MTMR3: variants seen among roughly 807,000 people sequenced by gnomAD.
MTMR3 encodes phosphatidylinositol-3,5-bisphosphate 3-phosphatase MTMR3.
A neutral mutation model predicts 132.4 loss-of-function variants in MTMR3; 32 were observed. That is an observed-to-expected ratio of 0.24 (90% confidence interval 0.18 to 0.32). MTMR3 has a LOEUF of 0.32. Ranked by LOEUF, MTMR3 falls within the 10% of genes least tolerant of loss-of-function variation. The pLI, the probability that MTMR3 is intolerant of heterozygous loss-of-function variation, is 1.00. For missense variants in MTMR3, 1,216 were observed against 1,489.6 expected (o/e 0.82, Z 3.02); for synonymous variants, 556 against 550.3 (o/e 1.01, Z -0.14).
intron 5 of MTMR3, chr22:29,980,154 A>G (rs1199770920): frequency 3.5e-5 from 2 of 56,902 alleles, no homozygotes; most frequent in Admixed American, 2.9e-4. Context: ...TCATTTTGGG[A>G]TTCTTTGAAA....
At position 30,019,691 on chromosome 22, in the gene MTMR3, C is replaced by T. The variant is rs1467820693; in HGVS notation, c.2032C>T (p.Leu678Phe). ...CACCAGAGTGCCGGGGGGTGCCGAG[C>T]TTTCTGTTGCAGCCGGAGTAGCTGA... ...KPTRVPGGAE[L>F]SVAAGVAEGQ... Residue 678 changes from leucine (L) to phenylalanine (F), a missense_variant, in exon 17 of 20, where the codon CTT (leucine) becomes TTT (phenylalanine). This residue lies in a region of MTMR3 where 852 missense variants were observed against 852.0 expected (regional missense o/e 1.00). Transcript: ENST00000401950. The T allele has an allele frequency of 1.9e-6, 3 of 1,614,166 alleles. No homozygotes were observed. The highest frequency in any genetic ancestry group is 2.5e-6 in the Non-Finnish European group (3 of 1,180,032).
chr22:29,956,821 C>A (rs530294274), intron 1 of MTMR3, among the ~76,000 whole-genome samples: 3 of 152,082 alleles, frequency 2.0e-5, no homozygotes, highest in Non-Finnish European at 2.9e-5. Context: ...TCTGCAATTT[C>A]TGAAGGCATG....
chr22:29,982,937 T>TGTGTGTGTGTGTGTG (rs2066780516), intron 5 of MTMR3: 1 of 146,280 alleles, frequency 6.8e-6, no homozygotes, highest in African/African-American at 2.6e-5. Flanking sequence ...AAAAGTTTGT[T>TGTGTGTGTGTGTGTG]TGTGTGTGTG....
intron 14 of MTMR3, chr22:30,014,641 T>A (rs891325429): frequency 2.6e-4 from 40 of 151,876 alleles, no homozygotes; most frequent in African/African-American, 8.7e-4. Flanking sequence ...CCCCAGTAGC[T>A]GGGACCACAG....
At position 30,020,406 on chromosome 22, in the gene MTMR3, C is replaced by T. The variant is rs1251668288; in HGVS notation, c.2747C>T (p.Ala916Val). The T allele has an allele frequency of 8.7e-6, 14 of 1,614,208 alleles. No individual in the cohort carries two copies. The highest frequency in any genetic ancestry group is 3.3e-5 in the South Asian group (3 of 91,086). The change falls in exon 17 of 20, where the codon GCC becomes GTC. Residue 916 changes from alanine to valine, a missense_variant. This residue lies in a region of MTMR3 where 852 missense variants were observed against 852.0 expected (regional missense o/e 1.00). Coordinates refer to ENST00000401950, the MANE Select transcript of MTMR3 (RefSeq NM_021090.4). ...STLSLTRSPC[A>V]LPLAECKEGL... ...CTCAGCCTGACACGTTCCCCTTGTG[C>T]CTTGCCTTTAGCCGAATGTAAAGAG...
intron 1 of MTMR3, among the ~76,000 whole-genome samples, chr22:29,888,467 G>A (rs540343832): frequency 5.3e-5 from 8 of 152,096 alleles, no homozygotes; most frequent in South Asian, 2.1e-4. Context: ...TGAAACTAAC[G>A]AAAACAAAAA....
intron 1 of MTMR3, among the ~76,000 whole-genome samples, chr22:29,887,277 A>AC (rs1422811827): frequency 6.6e-6 from 1 of 152,086 alleles, no homozygotes. Flanking sequence ...AAGCTACATA[A>AC]CCCCCCTGAG....
chr22:29,986,757 G>A (rs1986631519), intron 5 of MTMR3: 2 of 223,916 alleles, frequency 8.9e-6, no homozygotes, highest in African/African-American at 2.4e-5. Flanking sequence ...TCTGCCTCTG[G>A]GATTCAAGCG....
chr22:29,884,582 A>T (rs2064630329), intron 1 of MTMR3, among the ~76,000 whole-genome samples: 1 of 119,130 alleles, frequency 8.4e-6, no homozygotes, highest in Admixed American at 9.7e-5. Context: ...TTTTTTTTTA[A>T]GACAGAATCT....
chr22:29,909,529 A>G lies in MTMR3; in HGVS notation c.-138+26170A>G, dbSNP rs186291175. Among the ~76,000 whole-genome samples, 391 of 152,218 alleles carry G rather than the reference A, an allele frequency of 2.6e-3. 2 individuals carry two copies. The highest frequency in any genetic ancestry group is 9.0e-3 in the African/African-American group (374 of 41,542). ...TCTCTGCTCCTTAGTTTCCCTCTTT[A>G]TAAAATGAGGATAATAATATTACCT... On this transcript the variant is annotated intron_variant, in intron 1 of 19. Transcript: ENST00000401950.
chr22:29,921,394 C>T (rs2065409288), intron 1 of MTMR3, among the ~76,000 whole-genome samples: 1 of 152,142 alleles, frequency 6.6e-6, no homozygotes, highest in Admixed American at 6.5e-5. Context: ...TTCCACTAGG[C>T]GCCACCTCCA....
chr22:30,014,131 A>G (rs974210712), intron 14 of MTMR3: 5 of 152,330 alleles, frequency 3.3e-5, no homozygotes, highest in South Asian at 4.1e-4. Context: ...CTATCATCCT[A>G]TTGCTCTTGT....
intron 1 of MTMR3, among the ~76,000 whole-genome samples, chr22:29,900,037 C>G (rs1387120196): frequency 6.6e-6 from 1 of 152,150 alleles, no homozygotes; most frequent in Non-Finnish European, 1.5e-5. Context: ...AATGATAAGC[C>G]ATTTAACCTT....
Position 30,030,069 on chromosome 22 carries a change from C to G in MTMR3, c.*4268C>G, listed in dbSNP as rs941664668. 6.6e-6 allele frequency: 1 copy of G among 152,244 alleles called. No homozygotes were observed. The highest frequency in any genetic ancestry group is 6.5e-5 in the Admixed American group (1 of 15,268). 9.4% of individuals were successfully genotyped at this position (152,244 alleles called of 1,614,324 possible). A position where few individuals can be genotyped will look rare whatever the true frequency, so the allele number is the denominator to read the frequency against. On this transcript the variant is annotated 3_prime_UTR_variant, in exon 20 of 20. Coordinates refer to ENST00000401950, the MANE Select transcript of MTMR3 (RefSeq NM_021090.4). ...TGTTGTGTGCAGATACCAGTAGCCT[C>G]CCTGCTTGAACAGGCCTCTCCTAGG...
chr22:29,923,223 T>G (rs1405169778), intron 1 of MTMR3, among the ~76,000 whole-genome samples: 1 of 151,468 alleles, frequency 6.6e-6, no homozygotes, highest in Non-Finnish European at 1.5e-5. Context: ...TTGTAGTTTT[T>G]TTTTTTATTT....
intron 1 of MTMR3, among the ~76,000 whole-genome samples, chr22:29,931,329 T>A (rs2065639421): frequency 6.6e-6 from 1 of 152,256 alleles, no homozygotes; most frequent in African/African-American, 2.4e-5. Context: ...TGACTTTTGG[T>A]TGTTCTGTAC....
At chr22:30,007,016 T>C in intron 9 of MTMR3, 98 bp from the exon 10 acceptor site, 1 of 1,277,728 alleles carries the variant, frequency 7.8e-7, no homozygotes, top group African/African-American at 1.5e-5. Context: ...AACACTTACC[T>C]AGAATTAGAC....
chr22:29,890,983 G>T (rs2064785949), intron 1 of MTMR3, among the ~76,000 whole-genome samples: 1 of 151,012 alleles, frequency 6.6e-6, no homozygotes, highest in Admixed American at 6.6e-5. Flanking sequence ...TATGAATATA[G>T]CCGCTGTACT....
chr22:29,986,207 T>TG (rs2066854310), intron 5 of MTMR3: 1 of 152,234 alleles, frequency 6.6e-6, no homozygotes, highest in Admixed American at 6.5e-5. Context: ...TGATGGCACA[T>TG]GGGAAGGCTG....
Sources: gnomAD v4.1 joint callset for allele counts (sites outside exome capture counted in the v4.1 genomes callset) on GRCh38, gnomAD v4.1.1 for gene constraint, gnomAD v4.1.1 regional missense constraint, MANE v1.5 for transcripts, NCBI Gene and HGNC (gene_info 2026-07-23, HGNC 2026-07-21) for gene names.